ACTN4: variants seen among roughly 807,000 people sequenced by gnomAD.
ACTN4 encodes the protein actinin alpha 4.
Under a neutral mutation model 114.2 loss-of-function variants are expected in ACTN4, and 18 were observed. The ratio of observed to expected loss-of-function variants is 0.16; its 90% CI spans 0.11 to 0.23. The LOEUF is 0.23. Among genes scored for constraint, ACTN4 ranks in the 10% least tolerant of loss-of-function variants. ACTN4 has a pLI of 1.00. For synonymous variants in ACTN4, 515 were observed against 506.3 expected (o/e 1.02, Z -0.23); for missense variants, 722 against 1,262.9 (o/e 0.57, Z 6.49).
At chr19:38,665,104 C>CG (rs1229504620) in intron 1 of ACTN4, among the ~76,000 whole-genome samples, 8 of 152,124 alleles carry the variant, frequency 5.3e-5, no homozygotes, top group Non-Finnish European at 8.8e-5. Flanking sequence ...AGCTGCACCC[C>CG]GGGAGGGGGT....
Position 38,727,735 on chromosome 19 carries a change from T to A in ACTN4, c.2338-211T>A. ...GGTCGGGGAGGCCTCTGCCTTCCTT[T>A]GAGCTTCCGAGGTTGGGGAAAGGAT... On this transcript the variant is annotated intron_variant, in intron 18 of 20. Coordinates refer to ENST00000252699, the MANE Select transcript of ACTN4 (RefSeq NM_004924.6). This position sits in a 1 kb window ranked among gnomAD's most constrained non-coding sequence, Gnocchi z 5.4. The A allele has an allele frequency of 3.4e-6, 2 of 585,536 alleles. No homozygotes were observed. The highest frequency in any genetic ancestry group is 5.7e-5 in the East Asian group (2 of 35,042). The allele number at this position is 585,536 out of a possible 1,614,324, so 36.3% of individuals were successfully genotyped here.
intron 1 of ACTN4, among the ~76,000 whole-genome samples, chr19:38,668,310 A>T (rs1050286557): frequency 6.6e-6 from 1 of 152,142 alleles, no homozygotes; most frequent in Non-Finnish European, 1.5e-5. Flanking sequence ...TCTTCAATCC[A>T]CCTGACATTT....
rs1462164442 is a variant in ACTN4, at chr19:38,717,230, C to T, written c.1057C>T (p.Leu353=). 1 of 1,614,060 alleles carries T rather than the reference C, an allele frequency of 6.2e-7. No individual in the cohort carries two copies. Among genetic ancestry groups the T allele is most frequent in the African/African-American group, 1.3e-5 (1 of 74,914 alleles). The change falls in exon 10 of 21, where the codon CTG becomes TTG. Residue 353 remains leucine, a synonymous_variant. Transcript: ENST00000252699. The surrounding 1 kb of genome is among the most constrained non-coding windows in gnomAD (Gnocchi z 4.0). ...GCCCAAGGTGCAGGAGAAGTGCCAG[C>T]TGGAGATCAACTTCAACACGCTGCA... ...KPPKVQEKCQ[L]EINFNTLQTK...
intron 8 of ACTN4, among the ~76,000 whole-genome samples, chr19:38,713,582 G>A (rs1292666077): frequency 2.0e-5 from 3 of 152,144 alleles, no homozygotes; most frequent in Admixed American, 1.3e-4. Context: ...CACGAGCACC[G>A]GCTGCCGCCT....
chr19:38,651,257 C>T (rs753044552), intron 1 of ACTN4, among the ~76,000 whole-genome samples: 6 of 152,108 alleles, frequency 3.9e-5, no homozygotes, highest in Non-Finnish European at 7.3e-5. Flanking sequence ...TCAGAGGGGA[C>T]GTGTGTCTCA....
In ACTN4 at chr19:38,731,410, A is replaced by T; in HGVS notation, c.*1978A>T. On this transcript the variant is annotated 3_prime_UTR_variant, in exon 21 of 21. Transcript: ENST00000252699. ...CTGGGCCTGTTTCCTCATCCATCAA[A>T]CGGACTAAGACAGCCCCGACCCCAT... 8.1e-6 allele frequency: 5 copies of T among 615,670 alleles called. No homozygotes were observed. The South Asian group carries it at 9.0e-5, about 11-fold the overall frequency. The allele number at this position is 615,670 out of a possible 1,614,324, so 38.1% of individuals were successfully genotyped here.
chr19:38,655,692 A>C (rs1976693205), intron 1 of ACTN4, among the ~76,000 whole-genome samples: 1 of 152,186 alleles, frequency 6.6e-6, no homozygotes, highest in Non-Finnish European at 1.5e-5. Flanking sequence ...GTTTTGTAAG[A>C]AACCAGGACA....
intron 1 of ACTN4, among the ~76,000 whole-genome samples, chr19:38,675,631 T>G (rs1967349258): frequency 6.6e-6 from 1 of 152,248 alleles, no homozygotes; most frequent in Admixed American, 6.5e-5. Flanking sequence ...TGTGGAAGCC[T>G]CCACCTATCA....
rs780700010 is a variant in ACTN4, at chr19:38,728,990, T to G, written c.2419-6T>G. On this transcript the variant is annotated splice_polypyrimidine_tract_variant and splice_region_variant and intron_variant, in intron 19 of 20. Transcript: ENST00000252699. ...GGGTGTCCCCCACCCCACCCTCTCCTTGCAGGGTGAGGCCGAGTTCAACCG... is the reference window on the plus strand; with the variant it reads ...GGGTGTCCCCCACCCCACCCTCTCCGTGCAGGGTGAGGCCGAGTTCAACCG... 1 of 1,612,748 alleles carries G rather than the reference T, an allele frequency of 6.2e-7. No individual in the cohort carries two copies. Among genetic ancestry groups the G allele is most frequent in the East Asian group, 2.2e-5 (1 of 44,866 alleles).
chr19:38,710,353 G>A lies in ACTN4; in HGVS notation c.819+11G>A, dbSNP rs1161662726. 1.2e-6 allele frequency: 2 copies of A among 1,612,852 alleles called. No individual in the cohort carries two copies. Among genetic ancestry groups the A allele is most frequent in the South Asian group, 2.2e-5 (2 of 91,084 alleles). On this transcript the variant is annotated intron_variant, in intron 8 of 20. Transcript: ENST00000252699. ...TCAGGAGCGCAGAAGGTACCGAGCA[G>A]GGCCAGGCAGGCCCTCCTCGCCGCC...
Position 38,724,171 on chromosome 19 carries a change from C to T in ACTN4, c.1707C>T (p.Ala569=). The T allele has an allele frequency of 1.2e-6, 2 of 1,613,882 alleles. No individual in the cohort carries two copies. The highest frequency in any genetic ancestry group is 2.2e-5 in the East Asian group (1 of 44,868). ...TIEEIEGLIS[A]HDQFKSTLPD... is the part of the protein sequence containing the mutation. The stretch of plus-strand genomic sequence containing the variant: ...TCCTCCCCTAGGGCCTGATCTCAGC[C>T]CATGACCAGTTCAAGTCCACCCTGC... Residue 569 remains alanine, a synonymous_variant, in exon 15 of 21, where the codon GCC becomes GCT. Coordinates refer to ENST00000252699, the MANE Select transcript of ACTN4 (RefSeq NM_004924.6). The surrounding 1 kb of genome is among the most constrained non-coding windows in gnomAD (Gnocchi z 7.0).
intron 1 of ACTN4, among the ~76,000 whole-genome samples, chr19:38,680,538 GT>G (rs1470107647): frequency 2.1e-4 from 32 of 152,226 alleles, no homozygotes; most frequent in Middle Eastern, 3.4e-3. Flanking sequence ...CAAATGACCT[GT>G]TTGCTGAACT....
intron 1 of ACTN4, among the ~76,000 whole-genome samples, chr19:38,690,452 C>T (rs1393457410): frequency 4.6e-5 from 7 of 152,220 alleles, no homozygotes; most frequent in Non-Finnish European, 1.0e-4. Flanking sequence ...AAACACTAGT[C>T]GCTGGGTTCC....
In ACTN4 at chr19:38,729,314, C is replaced by T. The variant is rs143948203; in HGVS notation, c.2618C>T (p.Pro873Leu). 6.9e-5 allele frequency: 112 copies of T among 1,612,756 alleles called. No homozygotes were observed. The highest frequency in any genetic ancestry group is 9.1e-5 in the Non-Finnish European group (107 of 1,180,002). ...TAEELRRELP[P>L]DQAEYCIARM... Reference sequence around the variant, plus strand: ...GAGGAGCTGCGGAGAGAGCTGCCCCCCGACCAGGCCGAGTACTGCATCGCC... The same window carrying T: ...GAGGAGCTGCGGAGAGAGCTGCCCCTCGACCAGGCCGAGTACTGCATCGCC... Residue 873 changes from proline (P) to leucine (L), a missense_variant, in exon 21 of 21, where the codon CCC (proline) becomes CTC (leucine). Pro to Leu is a moderately conservative substitution (Grantham distance 98, BLOSUM62 -3). Coordinates refer to ENST00000252699, the MANE Select transcript of ACTN4 (RefSeq NM_004924.6).
intron 1 of ACTN4, among the ~76,000 whole-genome samples, chr19:38,662,764 C>T (rs1599766530): frequency 6.6e-6 from 1 of 152,102 alleles, no homozygotes; most frequent in Non-Finnish European, 1.5e-5. Flanking sequence ...TGAACCTGCT[C>T]CAAGCTGCTG....
rs1334770373 is a variant in ACTN4 at position 38,727,070 on chromosome 19, G to A, written c.2304G>A (p.Gln768=). Residue 768 remains glutamine (Q), a synonymous_variant, in exon 18 of 21, where the codon CAG becomes CAA. Transcript: ENST00000252699. The surrounding 1 kb of genome is among the most constrained non-coding windows in gnomAD (Gnocchi z 5.4). ...AGGGCATCAGCCAGGAGCAGATGCA[G>A]GAGTTCCGGGCGTCCTTCAACCACT... ...DAKGISQEQM[Q]EFRASFNHFD... 1 of 1,614,148 alleles carries A rather than the reference G, an allele frequency of 6.2e-7. No individual in the cohort carries two copies. The highest frequency in any genetic ancestry group is 1.7e-5 in the Admixed American group (1 of 60,034).
chr19:38,654,517 A>G (rs1355787605), intron 1 of ACTN4, among the ~76,000 whole-genome samples: 1 of 150,376 alleles, frequency 6.6e-6, no homozygotes, highest in African/African-American at 2.4e-5. Context: ...AGCTGAGATC[A>G]CGCCACTGCA....
At chr19:38,674,828 T>C (rs1967323947) in intron 1 of ACTN4, among the ~76,000 whole-genome samples, 1 of 152,208 alleles carries the variant, frequency 6.6e-6, no homozygotes, top group Non-Finnish European at 1.5e-5. Context: ...AGGCATATGG[T>C]GACATCAGTG....
rs1177272713 is a variant in ACTN4, at chr19:38,729,627, C to T, written c.*195C>T. The T allele has an allele frequency of 3.7e-6, 3 of 820,496 alleles. No homozygotes were observed. The African/African-American group carries it at 5.1e-5, about 14-fold the overall frequency. The allele number at this position is 820,496 out of a possible 1,614,324, so 50.8% of individuals were successfully genotyped here. ...GGGTTGGCCAGGAGGTTCCCCCGAC[C>T]AGGTTGGGGAGACTTGGGGCCAGCG... On this transcript the variant is annotated 3_prime_UTR_variant, in exon 21 of 21. Coordinates refer to ENST00000252699, the MANE Select transcript of ACTN4 (RefSeq NM_004924.6).
Sources: allele counts gnomAD v4.1 joint callset (sites outside exome capture counted in the v4.1 genomes callset), GRCh38; gene constraint gnomAD v4.1.1; non-coding constraint Gnocchi (gnomAD v3.1); transcripts MANE v1.5; gene names NCBI Gene and HGNC (gene_info 2026-07-23, HGNC 2026-07-21).